SKAP1: variants seen among roughly 807,000 people sequenced by gnomAD.
SKAP1 encodes src kinase-associated phosphoprotein 1.
SKAP1 carries 44 observed loss-of-function variants against 58.5 expected under a neutral mutation model. The observed-to-expected ratio is 0.75, with a 90% CI of 0.59 to 0.97. SKAP1 has a LOEUF of 0.97. Among genes scored for constraint, SKAP1 ranks in the 50% least tolerant of loss-of-function variants. SKAP1 has a pLI of 0.00. For synonymous variants in SKAP1, 127 were observed against 149.7 expected (o/e 0.85, Z 1.11); for missense variants, 390 against 435.2 (o/e 0.90, Z 0.92).
intron 4 of SKAP1, among the ~76,000 whole-genome samples, chr17:48,275,795 A>G (rs1207376982): frequency 6.6e-6 from 1 of 152,248 alleles, no homozygotes. Flanking sequence ...ATGTCCTCAT[A>G]TCTTTGAATC....
intron 4 of SKAP1, among the ~76,000 whole-genome samples, chr17:48,335,814 C>G (rs1468873004): frequency 6.6e-6 from 1 of 152,050 alleles, no homozygotes; most frequent in African/African-American, 2.4e-5. Flanking sequence ...TTTGTCCTCC[C>G]TTTAACTTGT....
At chr17:48,250,482 C>A (rs1267116503) in intron 4 of SKAP1, among the ~76,000 whole-genome samples, 1 of 151,478 alleles carries the variant, frequency 6.6e-6, no homozygotes, top group Non-Finnish European at 1.5e-5. Context: ...GGGGTTTCAC[C>A]ACATTGGCTA....
intron 4 of SKAP1, among the ~76,000 whole-genome samples, chr17:48,244,386 G>A (rs974942953): frequency 1.3e-5 from 2 of 152,178 alleles, no homozygotes; most frequent in African/African-American, 4.8e-5. Context: ...GAAGTCACAG[G>A]GGAGATTGAC....
intron 4 of SKAP1, among the ~76,000 whole-genome samples, chr17:48,340,228 T>C (rs558550963): frequency 4.9e-4 from 75 of 152,130 alleles, no homozygotes; most frequent in African/African-American, 1.7e-3. Context: ...GGTGCTGTCA[T>C]AGATTTAGAG....
chr17:48,285,471 C>T (rs1598511280), intron 4 of SKAP1, among the ~76,000 whole-genome samples: 1 of 152,018 alleles, frequency 6.6e-6, no homozygotes, highest in Non-Finnish European at 1.5e-5. Flanking sequence ...AAAAATTAGC[C>T]GGGCATGATG....
chr17:48,177,595 T>TA lies in SKAP1; in HGVS notation c.826+2458dup, dbSNP rs1359741644. 1.3e-4 allele frequency among the ~76,000 whole-genome samples: 20 copies of TA among 152,102 alleles called. No homozygotes were observed. The East Asian group carries it at 2.1e-3, about 16-fold the overall frequency. On this transcript the variant is annotated intron_variant, in intron 9 of 12. Coordinates refer to ENST00000336915, the MANE Select transcript of SKAP1 (RefSeq NM_003726.4). ...TGTGCCGCTGCTTGGTAGATGGTCT[T>TA]ATGAGAGGGCAGCAGAAAGGAGACA...
At chr17:48,138,705 G>A (rs568559302) in intron 11 of SKAP1, among the ~76,000 whole-genome samples, 14 of 151,910 alleles carry the variant, frequency 9.2e-5, no homozygotes, top group Admixed American at 2.0e-4. Context: ...TGGTAGAGAT[G>A]GGGTTTCATC....
At chr17:48,219,797 C>T (rs1404250499) in intron 4 of SKAP1, among the ~76,000 whole-genome samples, 4 of 152,164 alleles carry the variant, frequency 2.6e-5, no homozygotes, top group African/African-American at 9.7e-5. Flanking sequence ...CACGGTGTCT[C>T]CCAGTCTGCT....
chr17:48,273,422 G>GT lies in SKAP1; in HGVS notation c.280+72482dup, dbSNP rs61407419. 9.9e-4 allele frequency among the ~76,000 whole-genome samples: 144 copies of GT among 145,916 alleles called. 1 individual carries two copies. The highest frequency in any genetic ancestry group is 3.7e-3 in the Admixed American group (55 of 14,786). On this transcript the variant is annotated intron_variant, in intron 4 of 12. Transcript: ENST00000336915. ...CTATATATGCCAAACTTTTATCACTGTTTTTTTTTTTTTCTTTTGAGATGG... is the reference window on the plus strand; with the variant it reads ...CTATATATGCCAAACTTTTATCACTGTTTTTTTTTTTTTTCTTTTGAGATGG...
chr17:48,320,598 C>A (rs1396468383), intron 4 of SKAP1, among the ~76,000 whole-genome samples: 1 of 152,006 alleles, frequency 6.6e-6, no homozygotes, highest in Non-Finnish European at 1.5e-5. Context: ...AGAAAAAAAT[C>A]ATACAAGTTT....
chr17:48,269,827 C>G (rs1041807663), intron 4 of SKAP1, among the ~76,000 whole-genome samples: 9 of 152,140 alleles, frequency 5.9e-5, no homozygotes, highest in Admixed American at 3.3e-4. Flanking sequence ...GGTGCGGTGG[C>G]TCACGCTTGT....
intron 4 of SKAP1, among the ~76,000 whole-genome samples, chr17:48,260,301 T>G (rs562570141): frequency 1.3e-5 from 2 of 152,148 alleles, no homozygotes; most frequent in Non-Finnish European, 2.9e-5. Context: ...AATGTGAATT[T>G]AAGAGTAAGG....
chr17:48,361,498 C>T (rs991851806), intron 3 of SKAP1, among the ~76,000 whole-genome samples: 5 of 152,094 alleles, frequency 3.3e-5, no homozygotes, highest in African/African-American at 9.7e-5. Context: ...CATGAGCCAC[C>T]GCACCCGGCC....
chr17:48,412,211 G>A (rs1389613838), intron 1 of SKAP1, among the ~76,000 whole-genome samples: 1 of 152,124 alleles, frequency 6.6e-6, no homozygotes, highest in Non-Finnish European at 1.5e-5. Context: ...AAAAGATAGG[G>A]TTCAATTCAT....
At chr17:48,333,010 G>A (rs1434691711) in intron 4 of SKAP1, among the ~76,000 whole-genome samples, 1 of 152,108 alleles carries the variant, frequency 6.6e-6, no homozygotes, top group Non-Finnish European at 1.5e-5. Flanking sequence ...ATTCTAGATA[G>A]GAAAAGTAAA....
At chr17:48,420,593 G>T (rs1249025746) in intron 1 of SKAP1, among the ~76,000 whole-genome samples, 1 of 152,130 alleles carries the variant, frequency 6.6e-6, no homozygotes, top group African/African-American at 2.4e-5. Flanking sequence ...GTGGCAGAAG[G>T]GTATTTAGGA....
chr17:48,347,751 T>G (rs552353055), intron 3 of SKAP1, among the ~76,000 whole-genome samples: 1 of 152,294 alleles, frequency 6.6e-6, no homozygotes, highest in South Asian at 2.1e-4. Flanking sequence ...AGAAAAATTC[T>G]CAAATACTGG....
chr17:48,177,191 A>G (rs1039246124), intron 9 of SKAP1, among the ~76,000 whole-genome samples: 2 of 152,150 alleles, frequency 1.3e-5, no homozygotes, highest in African/African-American at 2.4e-5. Context: ...CACCTGCTCC[A>G]TACACATAGC....
At chr17:48,174,210 G>A (rs142259105) in intron 9 of SKAP1, among the ~76,000 whole-genome samples, 282 of 151,990 alleles carry the variant, frequency 1.9e-3, no homozygotes, top group African/African-American at 6.4e-3. Flanking sequence ...TAAGCTCTAC[G>A]ATGATGGATG....
Sources: allele counts gnomAD v4.1 joint callset (sites outside exome capture counted in the v4.1 genomes callset), GRCh38; gene constraint gnomAD v4.1.1; transcripts MANE v1.5; gene names NCBI Gene and HGNC (gene_info 2026-07-23, HGNC 2026-07-21).